Variants in SATB1 observed in about 807,000 individuals in gnomAD.
The protein encoded by SATB1 is DNA-binding protein SATB1.
A neutral mutation model predicts 86.9 loss-of-function variants in SATB1; 11 were observed. The ratio of observed to expected loss-of-function variants is 0.13; its 90% confidence interval spans 0.08 to 0.21. The LOEUF (loss-of-function observed/expected upper bound fraction) is 0.21. SATB1 is among the 10% of genes least tolerant of loss of function. SATB1 has a pLI of 1.00. For synonymous variants in SATB1, 357 were observed against 357.2 expected (o/e 1.00, Z 0.01); for missense variants, 551 against 937.6 (o/e 0.59, Z 5.39).
chr3:18,401,162 T>C (rs957342945), intron 5 of SATB1, among the ~76,000 whole-genome samples: 1 of 152,166 alleles, frequency 6.6e-6, no homozygotes, highest in Non-Finnish European at 1.5e-5. Flanking sequence ...CTGTGGGCCT[T>C]AGGTCTCATC....
chr3:18,409,747 A>C (rs1311500249), intron 5 of SATB1: 2 of 152,048 alleles, frequency 1.3e-5, no homozygotes, highest in African/African-American at 4.8e-5. Context: ...TTTATTCAAA[A>C]TATATGATGT....
At chr3:18,351,214 A>G (rs570179368) in intron 10 of SATB1, 1 of 913,430 alleles carries the variant, frequency 1.1e-6, no homozygotes, top group South Asian at 1.4e-5. Context: ...CATGGTTAGT[A>G]GGGCCTTTAC....
Position 18,377,712 on chromosome 3 carries a change from G to C in SATB1, c.1575+458C>G, listed in dbSNP as rs9755860. Reference sequence around the variant, plus strand: ...TTTAATAGTTGCAGCCAGCTGAGTTGAGAGGCAACTATGCTCACTGCTATA... The same window carrying C: ...TTTAATAGTTGCAGCCAGCTGAGTTCAGAGGCAACTATGCTCACTGCTATA... On this transcript the variant is annotated intron_variant, in intron 9 of 10. Transcript: ENST00000338745. Among the ~76,000 whole-genome samples, 806 of 152,142 alleles carry C rather than the reference G, an allele frequency of 5.3e-3. 6 individuals carry two copies. The highest frequency in any genetic ancestry group is 0.019 in the African/African-American group (769 of 41,550).
chr3:18,362,018 G>C (rs1042849411), intron 9 of SATB1, among the ~76,000 whole-genome samples: 1 of 152,010 alleles, frequency 6.6e-6, no homozygotes, highest in East Asian at 1.9e-4. Context: ...CTAGGTATTA[G>C]TTTTGTAATA....
intron 4 of SATB1, 50 bp downstream of exon 4, chr3:18,415,949 CATTTCAAA>C: frequency 2.7e-6 from 4 of 1,475,224 alleles, no homozygotes; most frequent in Non-Finnish European, 3.6e-6. Context: ...AGAAATGCTT[CATTTCAAA>C]AGACCAGGTA....
chr3:18,371,424 G>T (rs926262231), intron 9 of SATB1, among the ~76,000 whole-genome samples: 20 of 152,202 alleles, frequency 1.3e-4, no homozygotes, highest in African/African-American at 4.8e-4. Context: ...TATGATTTGT[G>T]TCATTCTGCC....
intron 5 of SATB1, among the ~76,000 whole-genome samples, chr3:18,400,425 T>C (rs561370157): frequency 1.3e-5 from 2 of 152,340 alleles, no homozygotes; most frequent in Non-Finnish European, 2.9e-5. Context: ...GGTCAAATAG[T>C]TGACCATTCC....
At chr3:18,351,057 A>C in intron 10 of SATB1, 2 of 462,656 alleles carry the variant, frequency 4.3e-6, no homozygotes, top group East Asian at 4.2e-5. Context: ...CTGGGGCCCT[A>C]AGAGCGCTAA....
chr3:18,375,838 C>G (rs915291111), intron 9 of SATB1, among the ~76,000 whole-genome samples: 2 of 152,126 alleles, frequency 1.3e-5, no homozygotes, highest in African/African-American at 4.8e-5. Context: ...CAAAAATGCT[C>G]TACTAGGACG....
intron 2 of SATB1, among the ~76,000 whole-genome samples, chr3:18,418,116 T>C (rs1045064467): frequency 6.6e-6 from 1 of 152,168 alleles, no homozygotes; most frequent in Non-Finnish European, 1.5e-5. Context: ...AAGGGTATCA[T>C]CTTTAGCATA....
At position 18,425,337 on chromosome 3, in the gene SATB1, A is replaced by AGTG. The variant is rs1698637214; in HGVS notation, c.-1736_-1735insCAC. 1 of 154,512 alleles carries AGTG rather than the reference A, an allele frequency of 6.5e-6. No homozygotes were observed. The highest frequency in any genetic ancestry group is 6.6e-5 in the Admixed American group (1 of 15,146). The allele number at this position is 154,512 out of a possible 1,614,324, so 9.6% of individuals were successfully genotyped here. The stretch of plus-strand genomic sequence containing the variant: ...TCCGGGGAACGGGAGCGAGCGAGAA[A>AGTG]GTGGCGGCGGCGGCGGCGGCGGCGG... On this transcript the variant is annotated 5_prime_UTR_variant, in exon 1 of 11. Transcript: ENST00000338745.
intron 7 of SATB1, among the ~76,000 whole-genome samples, chr3:18,392,879 T>C (rs1441726607): frequency 6.6e-6 from 1 of 151,384 alleles, no homozygotes. Context: ...CACAGTTTTT[T>C]AAGCTATAAA....
intron 9 of SATB1, among the ~76,000 whole-genome samples, chr3:18,377,793 T>C (rs1361604932): frequency 6.6e-6 from 1 of 152,152 alleles, no homozygotes; most frequent in Non-Finnish European, 1.5e-5. Context: ...TATAAAGTTT[T>C]GTAGCATTTT....
chr3:18,403,623 T>C (rs1204324146), intron 5 of SATB1, among the ~76,000 whole-genome samples: 1 of 152,092 alleles, frequency 6.6e-6, no homozygotes, highest in Non-Finnish European at 1.5e-5. Flanking sequence ...TTTTCTGAAA[T>C]AAATGCCTGC....
intron 2 of SATB1, among the ~76,000 whole-genome samples, chr3:18,419,734 T>C (rs372916521): frequency 6.6e-6 from 1 of 152,178 alleles, no homozygotes; most frequent in East Asian, 1.9e-4. Flanking sequence ...ATAAATAGGG[T>C]AATCATGAGT....
intron 9 of SATB1, among the ~76,000 whole-genome samples, chr3:18,374,585 C>T (rs1299284619): frequency 1.3e-5 from 2 of 152,100 alleles, no homozygotes; most frequent in Non-Finnish European, 2.9e-5. Flanking sequence ...AAAAAGTAGC[C>T]TACCTTCAGT....
At chr3:18,408,096 T>A (rs573569110) in intron 5 of SATB1, among the ~76,000 whole-genome samples, 6 of 152,066 alleles carry the variant, frequency 3.9e-5, no homozygotes, top group Non-Finnish European at 7.4e-5. Context: ...CTGGTTTGCA[T>A]CTTCAACCTG....
chr3:18,415,328 C>CTGTTTG, intron 4 of SATB1, 94 bp from the exon 5 acceptor site: 1 of 1,405,368 alleles, frequency 7.1e-7, no homozygotes, highest in Non-Finnish European at 9.9e-7. Context: ...TTTTGCGCAT[C>CTGTTTG]AAACAGATGC....
intron 6 of SATB1, among the ~76,000 whole-genome samples, chr3:18,395,890 G>C (rs1038178256): frequency 1.3e-5 from 2 of 152,154 alleles, no homozygotes; most frequent in Non-Finnish European, 2.9e-5. Context: ...TGGCTGGAAG[G>C]GCTGAGCATG....
Sources: gnomAD v4.1 joint callset for allele counts (sites outside exome capture counted in the v4.1 genomes callset) on GRCh38, gnomAD v4.1.1 for gene constraint, MANE v1.5 for transcripts, NCBI Gene and HGNC (gene_info 2026-07-23, HGNC 2026-07-21) for gene names.